VTI1A: variants seen among roughly 807,000 people sequenced by gnomAD.
VTI1A encodes vesicle transport through interaction with t-SNAREs 1A, also known as vesicle transport through interaction with t-SNAREs homolog 1A.
A neutral mutation model predicts 34.9 loss-of-function variants in VTI1A; 22 were observed. The observed-to-expected ratio is 0.63, with a 90% CI of 0.45 to 0.90. The LOEUF (loss-of-function observed/expected upper bound fraction) is 0.90, where lower values mean the gene tolerates loss of function less well. VTI1A is among the 40% of genes least tolerant of loss of function. The probability of loss-of-function intolerance (pLI) is 0.00; values close to 1 mark genes in which losing one functional copy is unlikely to be tolerated. For missense variants in VTI1A, 268 were observed against 275.6 expected, an observed-to-expected ratio of 0.97 and a Z score of 0.20; for synonymous variants, 87 against 97.3, an observed-to-expected ratio of 0.89 and a Z score of 0.62.
At chr10:112,559,075 C>G (rs529251503) in intron 5 of VTI1A, among the ~76,000 whole-genome samples, 1 of 152,114 alleles carries the variant, frequency 6.6e-6, no homozygotes, top group African/African-American at 2.4e-5. Context: ...CTCAGATCCA[C>G]CATCAGCTTA....
intron 7 of VTI1A, among the ~76,000 whole-genome samples, chr10:112,762,814 C>G (rs1273558810): frequency 6.6e-6 from 1 of 152,162 alleles, no homozygotes; most frequent in East Asian, 1.9e-4. Flanking sequence ...GATTTCCGTG[C>G]TGGGCCTGGA....
At chr10:112,618,902 A>T (rs1564851420) in intron 5 of VTI1A, among the ~76,000 whole-genome samples, 1 of 152,078 alleles carries the variant, frequency 6.6e-6, no homozygotes, top group Non-Finnish European at 1.5e-5. Context: ...AGGGTAGAGG[A>T]AATACATTGA....
Position 112,815,681 on chromosome 10 carries a change from C to G in VTI1A, c.*298C>G, listed in dbSNP as rs1853498913. 1 of 411,664 alleles carries G rather than the reference C, an allele frequency of 2.4e-6. No individual in the cohort carries two copies. The highest frequency in any genetic ancestry group is 2.0e-5 in the African/African-American group (1 of 50,412). 25.5% of individuals were successfully genotyped at this position (411,664 alleles called of 1,614,324 possible). On this transcript the variant is annotated 3_prime_UTR_variant, in exon 8 of 8. Transcript: ENST00000393077. ...AGCCAAAATAGCCCCAGTGACACTC[C>G]TAGCCCTCTGGACGTGTCAAGGGCC...
At chr10:112,479,470 G>A (rs771797186) in intron 3 of VTI1A, among the ~76,000 whole-genome samples, 2 of 152,134 alleles carry the variant, frequency 1.3e-5, no homozygotes, top group Non-Finnish European at 2.9e-5. Context: ...AAATGCACTT[G>A]TCTTAAGATT....
intron 7 of VTI1A, among the ~76,000 whole-genome samples, chr10:112,787,684 T>C (rs1278632212): frequency 7.0e-6 from 1 of 142,718 alleles, no homozygotes; most frequent in Non-Finnish European, 1.5e-5. Context: ...AGTTTCTTTT[T>C]TCTTTTTTCT....
chr10:112,759,650 T>C (rs1299409676), intron 7 of VTI1A, among the ~76,000 whole-genome samples: 1 of 152,136 alleles, frequency 6.6e-6, no homozygotes, highest in Non-Finnish European at 1.5e-5. Flanking sequence ...CAGTCAACCA[T>C]AACACCTACA....
chr10:112,752,922 G>A (rs1344362778), intron 7 of VTI1A, among the ~76,000 whole-genome samples: 1 of 151,854 alleles, frequency 6.6e-6, no homozygotes, highest in East Asian at 1.9e-4. Context: ...GTATGATAGA[G>A]GTCTATAATT....
chr10:112,599,287 G>A (rs1455159749), intron 5 of VTI1A, among the ~76,000 whole-genome samples: 1 of 152,220 alleles, frequency 6.6e-6, no homozygotes, highest in African/African-American at 2.4e-5. Flanking sequence ...TAAGAGCATA[G>A]TAGGCAAGAA....
chr10:112,499,150 C>T (rs1849132968), intron 3 of VTI1A, among the ~76,000 whole-genome samples: 1 of 152,050 alleles, frequency 6.6e-6, no homozygotes, highest in African/African-American at 2.4e-5. Flanking sequence ...GAGTATTTAA[C>T]TTCTTTTTAC....
chr10:112,541,410 T>C (rs978223405), intron 5 of VTI1A, among the ~76,000 whole-genome samples: 2 of 152,234 alleles, frequency 1.3e-5, no homozygotes, highest in Admixed American at 1.3e-4. Context: ...TAAGGTCATA[T>C]ATATTTAAGG....
rs529161173 is a variant in VTI1A, at chr10:112,700,115, C to G, written c.560+31117C>G. Among the ~76,000 whole-genome samples the G allele has an allele frequency of 1.3e-4, 14 of 110,028 alleles. No homozygotes were observed. The East Asian group carries it at 3.4e-3, about 27-fold the overall frequency. 72.2% of individuals were successfully genotyped at this position (110,028 alleles called of 152,430 possible). ...CCTGGGTAACAGAGCGAGACTCCAT[C>G]TCAAAAAAAAAAAAAAAAAACAAAA... is the stretch of plus-strand genomic sequence containing the variant. On this transcript the variant is annotated intron_variant, in intron 7 of 7. Coordinates refer to ENST00000393077, the MANE Select transcript of VTI1A (RefSeq NM_145206.4).
At position 112,584,183 on chromosome 10, in the gene VTI1A, C is replaced by T. The variant is rs533981854; in HGVS notation, c.427+45853C>T. Among the ~76,000 whole-genome samples the T allele has an allele frequency of 4.6e-5, 7 of 152,242 alleles. No individual in the cohort carries two copies. The South Asian group carries it at 6.2e-4, about 14-fold the overall frequency. ...CTTTTTCATTAATTCCCCTCCTCTC[C>T]GTAGTATTATTATGGTAGTATTTTG... On this transcript the variant is annotated intron_variant, in intron 5 of 7. Coordinates refer to ENST00000393077, the MANE Select transcript of VTI1A (RefSeq NM_145206.4).
At chr10:112,729,069 A>G (rs946925295) in intron 7 of VTI1A, among the ~76,000 whole-genome samples, 10 of 152,302 alleles carry the variant, frequency 6.6e-5, no homozygotes, top group African/African-American at 2.4e-4. Flanking sequence ...GTTTAAAAAA[A>G]TAGCCTTCTT....
At chr10:112,517,012 G>A (rs1849805134) in intron 3 of VTI1A, among the ~76,000 whole-genome samples, 1 of 152,080 alleles carries the variant, frequency 6.6e-6, no homozygotes, top group Non-Finnish European at 1.5e-5. Flanking sequence ...CCAGCTCCTA[G>A]GTGATAGTTT....
chr10:112,762,487 C>T (rs1384675984), intron 7 of VTI1A, among the ~76,000 whole-genome samples: 3 of 152,110 alleles, frequency 2.0e-5, no homozygotes, highest in Non-Finnish European at 4.4e-5. Context: ...ATATTAGAAA[C>T]GGAGTGCTTT....
At chr10:112,481,625 G>A (rs901126891) in intron 3 of VTI1A, among the ~76,000 whole-genome samples, 2 of 152,152 alleles carry the variant, frequency 1.3e-5, no homozygotes, top group African/African-American at 4.8e-5. Context: ...AGTCTTGTAA[G>A]GCTGATTTTA....
chr10:112,699,582 C>G (rs1039339480), intron 7 of VTI1A, among the ~76,000 whole-genome samples: 1 of 152,212 alleles, frequency 6.6e-6, no homozygotes, highest in African/African-American at 2.4e-5. Context: ...CCTATAATCC[C>G]AGCACTTTGG....
rs146016567 is a variant in VTI1A, at chr10:112,481,200, T to C, written c.264+16543T>C. ...ATTGTTTTAAATAAAAAATTTAAAG[T>C]TGGCAAAATCCAGTATTTTACATTT... On this transcript the variant is annotated intron_variant, in intron 3 of 7. Coordinates refer to ENST00000393077, the MANE Select transcript of VTI1A (RefSeq NM_145206.4). 4.5e-3 allele frequency among the ~76,000 whole-genome samples: 691 copies of C among 152,336 alleles called. 6 individuals carry two copies. Among genetic ancestry groups the C allele is most frequent in the African/African-American group, 0.016 (653 of 41,564 alleles).
chr10:112,844,315 C>T, the VTI1A span, among the ~76,000 whole-genome samples: 3 of 152,174 alleles, frequency 2.0e-5, no homozygotes, highest in Non-Finnish European at 2.9e-5. Flanking sequence ...TGCAAATCTC[C>T]ATCTTAACTT....
Sources: gnomAD v4.1 joint callset for allele counts (sites outside exome capture counted in the v4.1 genomes callset) on GRCh38, gnomAD v4.1.1 for gene constraint, MANE v1.5 for transcripts, NCBI Gene and HGNC (gene_info 2026-07-23, HGNC 2026-07-21) for gene names.